Variants in SHISAL2A observed in about 807,000 individuals in gnomAD.
SHISAL2A encodes the protein shisa like 2A, also known as protein shisa-like-2A.
SHISAL2A carries 18 observed loss-of-function variants against 11.5 expected under a neutral mutation model. That is an observed-to-expected ratio of 1.57 (90% confidence interval 1.08 to 2.33). SHISAL2A has a LOEUF of 2.33. Among genes scored for constraint, SHISAL2A ranks in the 30% most tolerant of loss-of-function variants. The pLI is 0.00. For missense variants in SHISAL2A, 261 were observed against 250.9 expected (o/e 1.04, Z -0.27); for synonymous variants, 94 against 99.6 (o/e 0.94, Z 0.34).
In SHISAL2A at chr1:52,633,823, C is replaced by T. The variant is rs2149870025; in HGVS notation, c.182+148C>T. The T allele has an allele frequency of 1.6e-6, 1 of 620,790 alleles. No individual in the cohort carries two copies. The highest frequency in any genetic ancestry group is 2.8e-6 in the Non-Finnish European group (1 of 360,204). 38.5% of individuals were successfully genotyped at this position (620,790 alleles called of 1,614,324 possible). On this transcript the variant is annotated intron_variant, in intron 1 of 2. Transcript: ENST00000517870. The surrounding 1 kb of genome is among the most constrained non-coding windows in gnomAD (Gnocchi z 6.4). ...CTCATGCCCACAGCATCAACCACCC[C>T]GTGAAACCCCATCTCAGCTCGATTT...
chr1:52,659,023 G>GTT (rs1691853055), downstream of SHISAL2A, among the ~76,000 whole-genome samples: 3 of 148,150 alleles, frequency 2.0e-5, no homozygotes, highest in Admixed American at 2.1e-4. Context: ...TGTTGTTGTT[G>GTT]GTGGTGGTGG....
intron 1 of SHISAL2A, among the ~76,000 whole-genome samples, chr1:52,641,858 T>A (rs1372699453): frequency 6.6e-6 from 1 of 152,128 alleles, no homozygotes; most frequent in Non-Finnish European, 1.5e-5. Flanking sequence ...ATCTCAGCAC[T>A]TTGGGAGGCC....
intron 4 of SHISAL2A, among the ~76,000 whole-genome samples, chr1:52,664,089 T>C (rs888548511): frequency 2.0e-5 from 3 of 152,210 alleles, no homozygotes; most frequent in Non-Finnish European, 4.4e-5. Context: ...AGTGTTTATA[T>C]AACTACAGAA....
At chr1:52,640,310 G>C (rs548044505) in intron 1 of SHISAL2A, among the ~76,000 whole-genome samples, 2 of 152,156 alleles carry the variant, frequency 1.3e-5, no homozygotes, top group Non-Finnish European at 2.9e-5. Context: ...GGGCAGGAGA[G>C]CTAGAGAAGA....
intron 1 of SHISAL2A, among the ~76,000 whole-genome samples, chr1:52,634,266 C>T (rs529280427): frequency 2.6e-5 from 4 of 152,280 alleles, no homozygotes; most frequent in East Asian, 1.9e-4. Flanking sequence ...ACTTAACCCT[C>T]GCCTGGTGCT....
intron 4 of SHISAL2A, among the ~76,000 whole-genome samples, chr1:52,664,686 C>T (rs1349383748): frequency 2.0e-5 from 3 of 152,076 alleles, no homozygotes; most frequent in African/African-American, 7.2e-5. Context: ...TTAGGAGAGA[C>T]GGGGTTTCAC....
exon 5 of SHISAL2A, chr1:52,667,568 G>C (rs1692036872): frequency 5.2e-6 from 1 of 193,592 alleles, no homozygotes. Flanking sequence ...GAGCCTCACA[G>C]AACCCTGTGA....
At chr1:52,640,636 A>T (rs148546890) in intron 1 of SHISAL2A, among the ~76,000 whole-genome samples, 1 of 152,090 alleles carries the variant, frequency 6.6e-6, no homozygotes, top group East Asian at 1.9e-4. Flanking sequence ...ACAAAAAAAA[A>T]CATATTTGGT....
chr1:52,635,818 A>C (rs1451982671), intron 1 of SHISAL2A, among the ~76,000 whole-genome samples: 1 of 152,238 alleles, frequency 6.6e-6, no homozygotes, highest in African/African-American at 2.4e-5. Flanking sequence ...GTTAAACTAT[A>C]AACTAAATTC....
rs777001067 is a variant in SHISAL2A at position 52,656,934 on chromosome 1, G to A, written c.467G>A (p.Arg156His). 1.3e-5 allele frequency: 21 copies of A among 1,614,006 alleles called. No individual in the cohort carries two copies. Among genetic ancestry groups the A allele is most frequent in the South Asian group, 1.2e-4 (11 of 91,086 alleles). The change falls in exon 3 of 3, where the codon CGC becomes CAC. Residue 156 changes from arginine to histidine, a missense_variant. By Grantham distance (29) the Arg-to-His change is conservative. Transcript: ENST00000517870. ...GAGGGGCAGGCTGTGAACTCCAAAC[G>A]CCTCCTCCATCATTGCTTCATGGCC... ...SNEGQAVNSK[R>H]LLHHCFMATV...
Position 52,642,946 on chromosome 1 carries a change from T to C in SHISAL2A, c.266T>C (p.Phe89Ser). ...ACCGCCTGTGTGCTCTGCTACCTGT[T>C]CATCAGCTCTAAGCCCCACACAAAG... Reference protein sequence around the residue: ...IVTACVLCYLFISSKPHTKLD... With the variant: ...IVTACVLCYLSISSKPHTKLD... The change falls in exon 2 of 3, where the codon TTC becomes TCC. Residue 89 changes from phenylalanine (F) to serine (S), a missense_variant. Transcript: ENST00000517870. The C allele has an allele frequency of 6.2e-7, 1 of 1,614,160 alleles. No homozygotes were observed. Among genetic ancestry groups the C allele is most frequent in the Non-Finnish European group, 8.5e-7 (1 of 1,180,018 alleles).
At chr1:52,638,712 T>C (rs1691291978) in intron 1 of SHISAL2A, among the ~76,000 whole-genome samples, 1 of 152,162 alleles carries the variant, frequency 6.6e-6, no homozygotes, top group Non-Finnish European at 1.5e-5. Context: ...TGCCAGCCAG[T>C]GTAGAATGTA....
chr1:52,642,808 C>G (rs1246370528), intron 1 of SHISAL2A, 55 bp from the exon 2 acceptor site: 12 of 1,565,690 alleles, frequency 7.7e-6, no homozygotes, highest in South Asian at 1.1e-5. Context: ...TTTATAACAT[C>G]TGTCTCCCAA....
intron 2 of SHISAL2A, among the ~76,000 whole-genome samples, chr1:52,651,596 G>C (rs574499285): frequency 3.3e-5 from 5 of 152,142 alleles, no homozygotes; most frequent in African/African-American, 9.6e-5. Flanking sequence ...CCAGGCTGGA[G>C]TGCAATGTTG....
chr1:52,644,437 G>T (rs192864722), intron 2 of SHISAL2A, among the ~76,000 whole-genome samples: 1 of 152,300 alleles, frequency 6.6e-6, no homozygotes, highest in African/African-American at 2.4e-5. Flanking sequence ...AAGAAGTAAG[G>T]GTGACAGCCG....
chr1:52,651,220 C>G (rs1056746072), intron 2 of SHISAL2A, among the ~76,000 whole-genome samples: 3 of 151,380 alleles, frequency 2.0e-5, no homozygotes, highest in African/African-American at 7.3e-5. Flanking sequence ...GAGCAATCTC[C>G]AATATTGCAA....
rs148234950 is a variant in SHISAL2A, at chr1:52,662,641, GC to G, written n.695+3068del. ...GCTGGGATTACAGGCGTGAGGTACC[GC>G]CCCCCCACCCTTTCTGTTTTAAAGA... is the stretch of plus-strand genomic sequence containing the variant. On this transcript the variant is annotated intron_variant and non_coding_transcript_variant, in intron 4 of 5. Coordinates refer to the SHISAL2A transcript ENST00000401050. 1.2e-3 allele frequency among the ~76,000 whole-genome samples: 186 copies of G among 151,172 alleles called. 1 individual carries two copies. The highest frequency in any genetic ancestry group is 4.2e-3 in the African/African-American group (171 of 41,116).
intron 4 of SHISAL2A, among the ~76,000 whole-genome samples, chr1:52,665,730 G>A (rs546453507): frequency 7.2e-5 from 11 of 151,812 alleles, no homozygotes; most frequent in African/African-American, 2.7e-4. Flanking sequence ...TTCTTCTCAA[G>A]CACCATCCCC....
intron 2 of SHISAL2A, among the ~76,000 whole-genome samples, chr1:52,649,084 T>C (rs1317158887): frequency 1.3e-5 from 2 of 152,234 alleles, no homozygotes; most frequent in Non-Finnish European, 2.9e-5. Flanking sequence ...AACTCAGCTC[T>C]TAGTTCCTAC....
Sources: gnomAD v4.1 joint callset for allele counts (sites outside exome capture counted in the v4.1 genomes callset) on GRCh38, gnomAD v4.1.1 for gene constraint, Gnocchi (gnomAD v3.1) non-coding constraint, MANE v1.5 for transcripts, NCBI Gene and HGNC (gene_info 2026-07-23, HGNC 2026-07-21) for gene names.